FAM185A: variants seen among roughly 807,000 people sequenced by gnomAD.
FAM185A encodes the protein family with sequence similarity 185 member A, also known as protein FAM185A.
FAM185A carries 21 observed loss-of-function variants against 45.7 expected under a neutral mutation model. That is an observed-to-expected ratio of 0.46 (90% CI 0.33 to 0.66). The LOEUF is 0.66. FAM185A is among the 30% of genes least tolerant of loss of function. The pLI, the probability that FAM185A is intolerant of heterozygous loss-of-function variation, is 0.03. For synonymous variants in FAM185A, 117 were observed against 194.0 expected (o/e 0.60, Z 3.30); for missense variants, 305 against 485.4 (o/e 0.63, Z 3.49).
intron 4 of FAM185A, among the ~76,000 whole-genome samples, chr7:102,765,157 G>T (rs1352353155): frequency 2.0e-5 from 3 of 152,186 alleles, no homozygotes; most frequent in Non-Finnish European, 4.4e-5. Context: ...CAGTGAACTT[G>T]ATTGCAACCG....
Position 102,755,926 on chromosome 7 carries a change from C to T in FAM185A, c.562-1928C>T, listed in dbSNP as rs909163218. On this transcript the variant is annotated intron_variant, in intron 2 of 7. Transcript: ENST00000413034. ...AAGGCAAAGGCTAAAGAACTTGCCA[C>T]TAAACTGGGTTAAATGTACACTGTT... 35 of 662,198 alleles carry T rather than the reference C, an allele frequency of 5.3e-5. No homozygotes were observed. The African/African-American group carries it at 5.9e-4, about 11-fold the overall frequency. 41.0% of individuals were successfully genotyped at this position (662,198 alleles called of 1,614,324 possible).
the FAM185A span, among the ~76,000 whole-genome samples, chr7:102,850,092 C>G: frequency 6.6e-6 from 1 of 151,882 alleles, no homozygotes; most frequent in Non-Finnish European, 1.5e-5. Flanking sequence ...AAATACATGT[C>G]AGTTTGTAAA....
At chr7:102,826,724 C>CATATATATATATATATATAT in the FAM185A span, among the ~76,000 whole-genome samples, 1 of 62,730 alleles carries the variant, frequency 1.6e-5, no homozygotes, top group Non-Finnish European at 3.8e-5. Flanking sequence ...GACCCTGTCT[C>CATATATATATATATATATAT]ATATATATAT....
chr7:102,776,131 C>T (rs1208275898), intron 5 of FAM185A, among the ~76,000 whole-genome samples: 5 of 136,726 alleles, frequency 3.7e-5, no homozygotes, highest in African/African-American at 1.5e-4. Context: ...TTTTCTCTCT[C>T]TGTTTTGTAA....
chr7:102,826,769 A>ATATGTATGTATATATATATATATATATG, the FAM185A span, among the ~76,000 whole-genome samples: 1 of 100,742 alleles, frequency 9.9e-6, no homozygotes, highest in Non-Finnish European at 2.0e-5. Flanking sequence ...ATATATATAT[A>ATATGTATGTATATATATATATATATATG]TATGTATATA....
At position 102,755,519 on chromosome 7, in the gene FAM185A, C is replaced by T. The variant is rs553881646; in HGVS notation, c.562-2335C>T. The T allele has an allele frequency of 1.2e-3, 773 of 627,910 alleles. 6 individuals carry two copies. In the African/African-American group the frequency reaches 0.013, roughly 11 times the overall value. The allele number at this position is 627,910 out of a possible 1,614,324, so 38.9% of individuals were successfully genotyped here. On this transcript the variant is annotated intron_variant, in intron 2 of 7. Coordinates refer to ENST00000413034, the MANE Select transcript of FAM185A (RefSeq NM_001145268.2). ...CAGGCAGAGTTGTGGGCAAAGGGGACCTCCCCATTAAGAGACCACCTGTCT... is the reference window on the plus strand; with the variant it reads ...CAGGCAGAGTTGTGGGCAAAGGGGATCTCCCCATTAAGAGACCACCTGTCT...
the FAM185A span, among the ~76,000 whole-genome samples, chr7:102,839,980 C>G: frequency 1.3e-5 from 2 of 152,126 alleles, no homozygotes; most frequent in African/African-American, 2.4e-5. Flanking sequence ...ACCTACCCAA[C>G]AGCACACCTT....
intron 5 of FAM185A, among the ~76,000 whole-genome samples, chr7:102,776,702 T>TAAAAAAAAAAAA (rs72022042): frequency 2.1e-5 from 2 of 97,094 alleles, no homozygotes. Flanking sequence ...ACCCTGTCTC[T>TAAAAAAAAAAAA]AAAAAAAAAA....
the FAM185A span, among the ~76,000 whole-genome samples, chr7:102,819,402 G>A: frequency 6.6e-6 from 1 of 152,070 alleles, no homozygotes; most frequent in Admixed American, 6.5e-5. Flanking sequence ...ATCTTCTGCA[G>A]GAAACTCTCC....
At chr7:102,751,490 C>T (rs1045343518) in intron 1 of FAM185A, among the ~76,000 whole-genome samples, 7 of 151,862 alleles carry the variant, frequency 4.6e-5, no homozygotes, top group African/African-American at 1.7e-4. Context: ...GTAGAAATAA[C>T]TGCTCTGTTT....
chr7:102,757,554 T>A (rs6961028), intron 2 of FAM185A, among the ~76,000 whole-genome samples: 2,126 of 152,312 alleles, frequency 0.014, 22 homozygotes, highest in Non-Finnish European at 0.022. Flanking sequence ...ACTGTGGATA[T>A]TTAGTTAGCT....
At chr7:102,798,368 T>C (rs572327034) in intron 7 of FAM185A, among the ~76,000 whole-genome samples, 2 of 152,338 alleles carry the variant, frequency 1.3e-5, no homozygotes, top group East Asian at 1.9e-4. Flanking sequence ...AAATTACTTA[T>C]TGGCAAGATA....
intron 1 of FAM185A, among the ~76,000 whole-genome samples, chr7:102,751,452 G>A (rs1190349040): frequency 1.3e-5 from 2 of 151,814 alleles, no homozygotes. Flanking sequence ...TCCCATCTAT[G>A]TTAGTTCTCT....
At position 102,749,234 on chromosome 7, in the gene FAM185A, G is replaced by A. The variant is rs746369483; in HGVS notation, c.27G>A (p.Glu9=). The A allele has an allele frequency of 6.4e-7, 1 of 1,551,006 alleles. No individual in the cohort carries two copies. The highest frequency in any genetic ancestry group is 8.7e-7 in the Non-Finnish European group (1 of 1,146,882). The change falls in exon 1 of 8, where the codon GAG becomes GAA. Residue 9 remains glutamate (E), a synonymous_variant. Coordinates refer to ENST00000413034, the MANE Select transcript of FAM185A (RefSeq NM_001145268.2). MLAPCSGW[E]LGCFRLCLRQ... ...TGCTTGCCCCCTGCTCAGGTTGGGAGCTTGGCTGCTTCCGTCTCTGTCTCC... is the reference window on the plus strand; with the variant it reads ...TGCTTGCCCCCTGCTCAGGTTGGGAACTTGGCTGCTTCCGTCTCTGTCTCC...
downstream of FAM185A, among the ~76,000 whole-genome samples, chr7:102,813,792 A>G (rs1463025793): frequency 1.3e-5 from 2 of 152,198 alleles, no homozygotes; most frequent in Non-Finnish European, 2.9e-5. Flanking sequence ...GCCATGGAAG[A>G]GGAACACTGA....
intron 7 of FAM185A, among the ~76,000 whole-genome samples, chr7:102,789,933 TGTCA>T (rs1350085994): frequency 1.3e-5 from 2 of 152,200 alleles, no homozygotes; most frequent in African/African-American, 2.4e-5. Flanking sequence ...GGGTAAAGAA[TGTCA>T]GTATCACTTT....
chr7:102,843,164 C>A, the FAM185A span, among the ~76,000 whole-genome samples: 2 of 152,168 alleles, frequency 1.3e-5, no homozygotes, highest in Non-Finnish European at 2.9e-5. Context: ...AAGTGGTAGG[C>A]CGGGCATGGT....
At chr7:102,821,934 CT>C in the FAM185A span, 1 of 1,220,482 alleles carries the variant, frequency 8.2e-7, no homozygotes, top group East Asian at 2.4e-5. Context: ...TGAAATGAAA[CT>C]TCCTAACACT....
chr7:102,821,781 C>A, the FAM185A span, among the ~76,000 whole-genome samples: 1 of 152,036 alleles, frequency 6.6e-6, no homozygotes, highest in South Asian at 2.1e-4. Context: ...AGAGGAAGAG[C>A]TAGAGTTAAA....
Sources: allele counts gnomAD v4.1 joint callset (sites outside exome capture counted in the v4.1 genomes callset), GRCh38; gene constraint gnomAD v4.1.1; transcripts MANE v1.5; gene names NCBI Gene and HGNC (gene_info 2026-07-23, HGNC 2026-07-21).